The following KLHL12 variants were observed in gnomAD, a reference collection of about 807,000 sequenced individuals.
KLHL12 encodes the protein kelch-like protein 12.
Under a neutral mutation model 60.8 loss-of-function variants are expected in KLHL12, and 17 were observed. The ratio of observed to expected loss-of-function variants is 0.28; its 90% CI spans 0.19 to 0.42. The LOEUF is 0.42. KLHL12 is among the 10% of genes least tolerant of loss of function. The pLI is 1.00. For synonymous variants in KLHL12, 220 were observed against 250.9 expected, an observed-to-expected ratio of 0.88 and a Z score of 1.16; for missense variants, 468 against 722.3, an observed-to-expected ratio of 0.65 and a Z score of 4.04.
chr1:202,912,733 T>C, intron 4 of KLHL12: 2 of 1,393,230 alleles, frequency 1.4e-6, no homozygotes, highest in South Asian at 1.2e-5. Flanking sequence ...AGATTTTAAT[T>C]AGGAAACAAA....
chr1:202,899,641 C>T (rs972713260), intron 6 of KLHL12, among the ~76,000 whole-genome samples: 88 of 140,506 alleles, frequency 6.3e-4, no homozygotes, highest in African/African-American at 2.1e-3. Context: ...GCCTGTCTAA[C>T]ATGGCAAAAC....
At chr1:202,906,100 T>C (rs111844612) in intron 6 of KLHL12, among the ~76,000 whole-genome samples, 3 of 144,120 alleles carry the variant, frequency 2.1e-5, no homozygotes, top group Non-Finnish European at 3.0e-5. Context: ...ATTACGGGCA[T>C]GAGCCACCGC....
Position 202,895,508 on chromosome 1 carries a change from C to A in KLHL12, c.1135+14G>T, listed in dbSNP as rs1170266264. 1 of 1,608,106 alleles carries A rather than the reference C, an allele frequency of 6.2e-7. No individual in the cohort carries two copies. The highest frequency in any genetic ancestry group is 8.5e-7 in the Non-Finnish European group (1 of 1,176,728). On this transcript the variant is annotated intron_variant, in intron 8 of 11. Coordinates refer to ENST00000367261, the MANE Select transcript of KLHL12 (RefSeq NM_021633.4). This position sits in a 1 kb window ranked among gnomAD's most constrained non-coding sequence, Gnocchi z 4.2. ...CAGTAAGATGGAAATAATTGCCCTGCACATCCAGCCTACCTCCCAGGGTGG... is the reference window on the plus strand; with the variant it reads ...CAGTAAGATGGAAATAATTGCCCTGAACATCCAGCCTACCTCCCAGGGTGG...
intron 7 of KLHL12, among the ~76,000 whole-genome samples, chr1:202,896,471 G>A (rs1201852895): frequency 6.6e-6 from 1 of 152,180 alleles, no homozygotes; most frequent in Non-Finnish European, 1.5e-5. Context: ...GATTATAGGT[G>A]TGAGCTACCA....
chr1:202,921,683 T>C (rs1331197216), intron 2 of KLHL12, among the ~76,000 whole-genome samples: 4 of 152,240 alleles, frequency 2.6e-5, no homozygotes, highest in African/African-American at 7.2e-5. Context: ...CAGATAATCA[T>C]AGAAAACTGT....
intron 6 of KLHL12, among the ~76,000 whole-genome samples, chr1:202,901,096 G>A (rs1659993124): frequency 6.6e-6 from 1 of 152,080 alleles, no homozygotes; most frequent in Non-Finnish European, 1.5e-5. Context: ...TTTCATTCAG[G>A]CACCTTTTGA....
intron 6 of KLHL12, among the ~76,000 whole-genome samples, chr1:202,908,180 T>C (rs948922313): frequency 6.6e-6 from 1 of 152,180 alleles, no homozygotes; most frequent in African/African-American, 2.4e-5. Flanking sequence ...GTGTGCCAGC[T>C]ATAGTGTTAG....
chr1:202,912,650 A>G, intron 4 of KLHL12: 1 of 1,314,856 alleles, frequency 7.6e-7, no homozygotes, highest in South Asian at 1.2e-5. Context: ...GTGGAGGCCA[A>G]TACTCTGCCA....
chr1:202,910,234 T>C (rs1278058890), intron 5 of KLHL12, among the ~76,000 whole-genome samples: 1 of 152,226 alleles, frequency 6.6e-6, no homozygotes, highest in Non-Finnish European at 1.5e-5. Context: ...ACATATTAAG[T>C]TCACAGAGTA....
intron 6 of KLHL12, among the ~76,000 whole-genome samples, chr1:202,903,106 A>G (rs1660062446): frequency 6.8e-6 from 1 of 147,614 alleles, no homozygotes. Context: ...GTTTCAGTGA[A>G]CCAAGATCAT....
intron 2 of KLHL12, among the ~76,000 whole-genome samples, chr1:202,923,985 A>G (rs1038684564): frequency 1.3e-5 from 2 of 152,246 alleles, no homozygotes; most frequent in Non-Finnish European, 2.9e-5. Context: ...TGATGCACCC[A>G]CAACTGAGCT....
At chr1:202,924,166 T>C (rs1230537555) in intron 2 of KLHL12, among the ~76,000 whole-genome samples, 1 of 152,248 alleles carries the variant, frequency 6.6e-6, no homozygotes, top group Non-Finnish European at 1.5e-5. Context: ...AGGCAATTAC[T>C]AAGTAGTGTT....
rs1659692614 is a variant in KLHL12, at chr1:202,892,083, G to GAAGAA, written c.*449_*450insTTCTT. On this transcript the variant is annotated 3_prime_UTR_variant, in exon 12 of 12. Transcript: ENST00000367261. ...ATATGAGAAAATGTAGTTGTTCCTG[G>GAAGAA]AAAAAAAAAAAAAGACTTGGATTTT... is the stretch of plus-strand genomic sequence containing the variant. The GAAGAA allele has an allele frequency of 7.0e-6, 1 of 143,056 alleles. No homozygotes were observed. Among genetic ancestry groups the GAAGAA allele is most frequent in the African/African-American group, 2.6e-5 (1 of 38,304 alleles). The allele number at this position is 143,056 out of a possible 1,614,324, so 8.9% of individuals were successfully genotyped here. A position where few individuals can be genotyped will look rare whatever the true frequency, so the allele number is the denominator to read the frequency against.
intron 2 of KLHL12, among the ~76,000 whole-genome samples, chr1:202,920,426 G>A (rs1378183674): frequency 7.5e-6 from 1 of 133,994 alleles, no homozygotes; most frequent in Non-Finnish European, 1.6e-5. Context: ...TCCCAGGCTG[G>A]AGTGCAGTGG....
chr1:202,912,549 G>T (rs1244014320), intron 4 of KLHL12: 3 of 1,075,446 alleles, frequency 2.8e-6, no homozygotes, highest in Non-Finnish European at 4.3e-6. Flanking sequence ...GGAAGCTACA[G>T]TGATTTTGGC....
At position 202,927,135 on chromosome 1, in the gene KLHL12, G is replaced by A; in HGVS notation, c.-92C>T. 7.1e-6 allele frequency: 7 copies of A among 985,416 alleles called. No individual in the cohort carries two copies. The highest frequency in any genetic ancestry group is 8.4e-6 in the Non-Finnish European group (7 of 829,980). The allele number at this position is 985,416 out of a possible 1,614,324, so 61.0% of individuals were successfully genotyped here. On this transcript the variant is annotated 5_prime_UTR_variant, in exon 1 of 12. Transcript: ENST00000367261. ...GCCGCACCGGGCCCGTCCCCAGCCTGTGGGGATGGAGTGCGGCGCGGGGCT... is the reference window on the plus strand; with the variant it reads ...GCCGCACCGGGCCCGTCCCCAGCCTATGGGGATGGAGTGCGGCGCGGGGCT...
At chr1:202,925,601 G>T (rs1316113088) in intron 1 of KLHL12, among the ~76,000 whole-genome samples, 1 of 152,110 alleles carries the variant, frequency 6.6e-6, no homozygotes, top group Non-Finnish European at 1.5e-5. Context: ...TAAGTATTTA[G>T]AGCATACATA....
rs546655967 is a variant in KLHL12 at position 202,927,159 on chromosome 1, C to A, written c.-116G>T. ...TGTGGGGATGGAGTGCGGCGCGGGGCTAGCAGGCGGCTCGGGAGGAGCCGA... is the reference window on the plus strand; with the variant it reads ...TGTGGGGATGGAGTGCGGCGCGGGGATAGCAGGCGGCTCGGGAGGAGCCGA... On this transcript the variant is annotated 5_prime_UTR_variant, in exon 1 of 12. Transcript: ENST00000367261. The A allele has an allele frequency of 7.5e-4, 738 of 985,370 alleles. No homozygotes were observed. Among genetic ancestry groups the A allele is most frequent in the Admixed American group, 1.7e-3 (27 of 16,280 alleles). 61.0% of individuals were successfully genotyped at this position (985,370 alleles called of 1,614,324 possible).
chr1:202,914,780 G>T (rs527821267), intron 4 of KLHL12: 30 of 151,156 alleles, frequency 2.0e-4, no homozygotes, highest in African/African-American at 6.3e-4. Flanking sequence ...CAGGAGAATC[G>T]TTTGAACCCA....
Sources: gnomAD v4.1 joint callset for allele counts (sites outside exome capture counted in the v4.1 genomes callset) on GRCh38, gnomAD v4.1.1 for gene constraint, Gnocchi (gnomAD v3.1) non-coding constraint, MANE v1.5 for transcripts, NCBI Gene and HGNC (gene_info 2026-07-23, HGNC 2026-07-21) for gene names.